Variants in CFAP221 observed in about 807,000 individuals in gnomAD.
CFAP221 encodes the protein cilia and flagella associated protein 221.
CFAP221 carries 97 observed loss-of-function variants against 113.1 expected under a neutral mutation model. The ratio of observed to expected loss-of-function variants is 0.86; its 90% CI spans 0.73 to 1.02. CFAP221 has a LOEUF of 1.02. CFAP221 is among the 50% of genes least tolerant of loss of function. CFAP221 has a pLI of 0.00. For synonymous variants in CFAP221, 331 were observed against 354.4 expected, an observed-to-expected ratio of 0.93 and a Z score of 0.74; for missense variants, 1,025 against 1,013.4, an observed-to-expected ratio of 1.01 and a Z score of -0.16.
intron 3 of CFAP221, among the ~76,000 whole-genome samples, chr2:119,549,662 G>T (rs2105010120): frequency 6.6e-6 from 1 of 152,334 alleles, no homozygotes; most frequent in South Asian, 2.1e-4. Flanking sequence ...GCACCAGGAA[G>T]AGGGGTGTCC....
At chr2:119,548,450 C>G (rs1048886396) in intron 2 of CFAP221, among the ~76,000 whole-genome samples, 1 of 152,216 alleles carries the variant, frequency 6.6e-6, no homozygotes, top group Non-Finnish European at 1.5e-5. Context: ...CTCCAAACAT[C>G]TGCTCCTGCC....
Position 119,627,666 on chromosome 2 carries a change from C to T in CFAP221, c.1530C>T (p.Phe510=), listed in dbSNP as rs1421592543. ...TTTCACCCATAGAGGCGAATTTCTT[C>T]AAATTCTTCCTGAGGCGGATCAGTC... ...KQSIAQEANF[F]KFFLRRISQD... Residue 510 remains phenylalanine, a synonymous_variant, in exon 16 of 24, where the codon TTC becomes TTT. Transcript: ENST00000413369. 1 of 1,613,344 alleles carries T rather than the reference C, an allele frequency of 6.2e-7. No individual in the cohort carries two copies. The highest frequency in any genetic ancestry group is 8.5e-7 in the Non-Finnish European group (1 of 1,179,808).
At position 119,548,241 on chromosome 2, in the gene CFAP221, T is replaced by G. The variant is rs190416431; in HGVS notation, c.140-844T>G. Among the ~76,000 whole-genome samples, 5 of 152,306 alleles carry G rather than the reference T, an allele frequency of 3.3e-5. No individual in the cohort carries two copies. The East Asian group carries it at 9.7e-4, about 29-fold the overall frequency. ...AGCCTCCCAAAATGCTGGGATTACATGTGTGAGCCACCATGCCTACCTTTT... is the reference window on the plus strand; with the variant it reads ...AGCCTCCCAAAATGCTGGGATTACAGGTGTGAGCCACCATGCCTACCTTTT... On this transcript the variant is annotated intron_variant, in intron 2 of 23. Coordinates refer to ENST00000413369, the MANE Select transcript of CFAP221 (RefSeq NM_001271049.2).
chr2:119,652,110 G>A, intron 23 of CFAP221, 41 bp downstream of exon 23: 1 of 1,518,708 alleles, frequency 6.6e-7, no homozygotes, highest in South Asian at 1.2e-5. Flanking sequence ...GGTAATCTTG[G>A]ATGAAATTTG....
intron 17 of CFAP221, among the ~76,000 whole-genome samples, 183 bp from the exon 18 acceptor site, chr2:119,630,387 T>C (rs1001030349): frequency 6.6e-6 from 1 of 152,218 alleles, no homozygotes; most frequent in African/African-American, 2.4e-5. Context: ...AGAACAGGGC[T>C]CAGGACTTTC....
Position 119,625,643 on chromosome 2 carries a change from A to T in CFAP221, c.1471A>T (p.Ser491Cys). The change falls in exon 15 of 24, where the codon AGT becomes TGT. Residue 491 changes from serine to cysteine, a missense_variant. Coordinates refer to ENST00000413369, the MANE Select transcript of CFAP221 (RefSeq NM_001271049.2). ...TGCTGTTCGTGAAATGGACAAAGAG[A>T]GTATACTGAGAAAGATTGGCCAAGC... ...LSAVREMDKE[S>C]ILRKIGQAKQ... 1 of 1,613,914 alleles carries T rather than the reference A, an allele frequency of 6.2e-7. No homozygotes were observed. Among genetic ancestry groups the T allele is most frequent in the Non-Finnish European group, 8.5e-7 (1 of 1,179,746 alleles).
chr2:119,659,324 C>T (rs562698429), downstream of CFAP221, among the ~76,000 whole-genome samples: 2 of 152,214 alleles, frequency 1.3e-5, no homozygotes, highest in Non-Finnish European at 2.9e-5. Flanking sequence ...CTGTTGCTTT[C>T]TTTGTCTCCT....
At chr2:119,585,925 C>T (rs768612124) in intron 6 of CFAP221, among the ~76,000 whole-genome samples, 13 of 152,142 alleles carry the variant, frequency 8.5e-5, no homozygotes, top group African/African-American at 1.4e-4. Context: ...CAGATGGGTT[C>T]GGATGGGTCC....
intron 8 of CFAP221, 83 bp from the exon 9 acceptor site, chr2:119,604,589 G>T (rs1684593738): frequency 7.8e-7 from 1 of 1,283,472 alleles, no homozygotes; most frequent in Non-Finnish European, 1.0e-6. Flanking sequence ...TTCAAGTTGT[G>T]GTGTTATCAG....
At chr2:119,660,174 A>C (rs1688560415), downstream of CFAP221, 1 of 152,248 alleles carries the variant, frequency 6.6e-6, no homozygotes, top group Admixed American at 6.5e-5. Context: ...CCCCAGGTTG[A>C]AAAGGTCGTG....
At chr2:119,621,488 C>T (rs192776873) in intron 14 of CFAP221, among the ~76,000 whole-genome samples, 1 of 152,246 alleles carries the variant, frequency 6.6e-6, no homozygotes, top group African/African-American at 2.4e-5. Flanking sequence ...ATCAATGGGA[C>T]AGAAAATTAA....
At chr2:119,584,403 A>G (rs762782720) in intron 6 of CFAP221, among the ~76,000 whole-genome samples, 8 of 152,146 alleles carry the variant, frequency 5.3e-5, no homozygotes, top group Non-Finnish European at 1.0e-4. Flanking sequence ...CCTGGGCAAC[A>G]TAGTGGGAAC....
intron 3 of CFAP221, among the ~76,000 whole-genome samples, chr2:119,552,286 A>G (rs1431538529): frequency 6.8e-6 from 1 of 147,460 alleles, no homozygotes; most frequent in African/African-American, 2.5e-5. Flanking sequence ...TATTTATTTC[A>G]TAATAAATAG....
At chr2:119,614,325 G>T (rs941892913) in intron 13 of CFAP221, among the ~76,000 whole-genome samples, 10 of 152,096 alleles carry the variant, frequency 6.6e-5, no homozygotes, top group Non-Finnish European at 1.2e-4. Context: ...CCACATTTTT[G>T]AGTATTTTTA....
rs752686504 is a variant in CFAP221 at position 119,630,691 on chromosome 2, A to G, written c.1839+14A>G. 1 of 1,605,664 alleles carries G rather than the reference A, an allele frequency of 6.2e-7. No homozygotes were observed. Among genetic ancestry groups the G allele is most frequent in the Non-Finnish European group, 8.5e-7 (1 of 1,172,336 alleles). On this transcript the variant is annotated intron_variant, in intron 18 of 23. Coordinates refer to ENST00000413369, the MANE Select transcript of CFAP221 (RefSeq NM_001271049.2). ...CAAGGAGCTGAGGTAACACACCCCC[A>G]TCTTCCAGAATCTCTCTCATCTTTT...
At chr2:119,589,518 C>G (rs1683450262) in intron 7 of CFAP221, 2 of 152,226 alleles carry the variant, frequency 1.3e-5, no homozygotes, top group Admixed American at 1.3e-4. Flanking sequence ...TTTGTAGACA[C>G]TGTTTCAAGC....
At chr2:119,593,397 G>A (rs1273676628) in intron 7 of CFAP221, among the ~76,000 whole-genome samples, 1 of 152,206 alleles carries the variant, frequency 6.6e-6, no homozygotes. Context: ...TGGGTCTGTA[G>A]GATGTACAGG....
At chr2:119,615,741 T>G in intron 14 of CFAP221, 32 bp downstream of exon 14, 1 of 1,516,304 alleles carries the variant, frequency 6.6e-7, no homozygotes, top group Non-Finnish European at 9.1e-7. Flanking sequence ...AAATGTTGAT[T>G]TGTTTACTCA....
chr2:119,598,078 C>G (rs1021476760), intron 7 of CFAP221, among the ~76,000 whole-genome samples: 8 of 152,030 alleles, frequency 5.3e-5, no homozygotes, highest in African/African-American at 1.4e-4. Context: ...GCTCGAATGG[C>G]TCTATGACAA....
Sources: allele counts gnomAD v4.1 joint callset (sites outside exome capture counted in the v4.1 genomes callset), GRCh38; gene constraint gnomAD v4.1.1; transcripts MANE v1.5; gene names NCBI Gene and HGNC (gene_info 2026-07-23, HGNC 2026-07-21).